The following CEP128 variants were observed in gnomAD, a reference collection of about 807,000 sequenced individuals.
CEP128 encodes the protein centrosomal protein 128kDa.
In CEP128, 132 loss-of-function variants were observed where a neutral mutation model predicts 156.7. The ratio of observed to expected loss-of-function variants is 0.84; its 90% CI spans 0.73 to 0.97. CEP128 has a LOEUF of 0.97. Among genes scored for constraint, CEP128 ranks in the 50% least tolerant of loss-of-function variants. The pLI, the probability that CEP128 is intolerant of heterozygous loss-of-function variation, is 0.00. For synonymous variants in CEP128, 469 were observed against 448.9 expected (o/e 1.04, Z -0.57); for missense variants, 1,252 against 1,281.9 (o/e 0.98, Z 0.36).
chr14:80,874,865 G>A (rs866844694), intron 8 of CEP128, among the ~76,000 whole-genome samples: 2 of 152,258 alleles, frequency 1.3e-5, no homozygotes, highest in African/African-American at 2.4e-5. Context: ...TGATCCGCCC[G>A]CCTCAGCCTC....
rs1046155220 is a variant in CEP128 at position 80,929,635 on chromosome 14, T to G, written c.-16+9750A>C. On this transcript the variant is annotated intron_variant, in intron 2 of 24. Transcript: ENST00000555265. The stretch of plus-strand genomic sequence containing the variant: ...CAGAAATCAAAAGCCAACTATTTCA[T>G]GTTCTCACTTACAAGTGGGAGCTAA... Among the ~76,000 whole-genome samples, 13 of 152,202 alleles carry G rather than the reference T, an allele frequency of 8.5e-5. 1 individual carries two copies. The highest frequency in any genetic ancestry group is 1.5e-5 in the Non-Finnish European group (1 of 68,032).
rs769390924 is a variant in CEP128, at chr14:80,830,054, G to A, written c.1209+1089C>T. The A allele has an allele frequency of 2.0e-4, 78 of 391,430 alleles. 1 individual carries two copies. The highest frequency in any genetic ancestry group is 3.3e-4 in the East Asian group (9 of 26,964). The allele number at this position is 391,430 out of a possible 1,614,324, so 24.2% of individuals were successfully genotyped here. A position where few individuals can be genotyped will look rare whatever the true frequency, so the allele number is the denominator to read the frequency against. ...TCCAACATACTTTCTTTTTAAATAC[G>A]TGACTTCAGCAAAATAATCATATTT... is the stretch of plus-strand genomic sequence containing the variant. On this transcript the variant is annotated intron_variant, in intron 13 of 24. Transcript: ENST00000555265.
At chr14:80,687,981 T>G (rs1896585186) in intron 19 of CEP128, among the ~76,000 whole-genome samples, 1 of 152,146 alleles carries the variant, frequency 6.6e-6, no homozygotes, top group African/African-American at 2.4e-5. Context: ...AGTCATTTAT[T>G]TACTTCTTCT....
At chr14:80,941,182 A>G (rs866873726) in intron 1 of CEP128, among the ~76,000 whole-genome samples, 1 of 150,522 alleles carries the variant, frequency 6.6e-6, no homozygotes, top group East Asian at 1.9e-4. Context: ...AACAGGTATT[A>G]AAAAAAAAAT....
At chr14:80,664,673 C>A (rs1895540072) in intron 19 of CEP128, among the ~76,000 whole-genome samples, 1 of 152,170 alleles carries the variant, frequency 6.6e-6, no homozygotes, top group South Asian at 2.1e-4. Context: ...TCAATCAAAG[C>A]TAGGTCTATC....
At chr14:80,599,265 C>CTTTTTTTTTTTTTTTT (rs375136337) in intron 19 of CEP128, among the ~76,000 whole-genome samples, 1 of 85,406 alleles carries the variant, frequency 1.2e-5, no homozygotes, top group African/African-American at 4.8e-5. Context: ...CAGTCATATT[C>CTTTTTTTTTTTTTTTT]TTTTTTTTTT....
intron 9 of CEP128, among the ~76,000 whole-genome samples, chr14:80,858,630 T>TG: frequency 7.0e-6 from 1 of 142,970 alleles, no homozygotes; most frequent in Non-Finnish European, 1.5e-5. Flanking sequence ...TGGGAGAAAA[T>TG]TTTCGCAACC....
intron 9 of CEP128, among the ~76,000 whole-genome samples, chr14:80,850,840 T>TAAA (rs1185558102): frequency 3.9e-5 from 6 of 152,214 alleles, no homozygotes; most frequent in Non-Finnish European, 5.9e-5. Flanking sequence ...CTGTCTTTAT[T>TAAA]AAGTTGTCAG....
intron 19 of CEP128, among the ~76,000 whole-genome samples, chr14:80,636,804 T>A (rs556972064): frequency 1.3e-5 from 2 of 152,248 alleles, no homozygotes; most frequent in African/African-American, 4.8e-5. Flanking sequence ...AATACAAATT[T>A]GGCCAGGCAC....
chr14:80,871,267 A>C (rs888512895), intron 8 of CEP128, among the ~76,000 whole-genome samples: 5 of 152,148 alleles, frequency 3.3e-5, no homozygotes, highest in African/African-American at 1.2e-4. Context: ...CTGCAGTGAG[A>C]AGCACAGATA....
chr14:80,661,753 C>G (rs575822488), intron 19 of CEP128, among the ~76,000 whole-genome samples: 1 of 152,090 alleles, frequency 6.6e-6, no homozygotes, highest in African/African-American at 2.4e-5. Flanking sequence ...AATATAAGTA[C>G]TTTTTCCTAG....
At chr14:80,666,743 C>A (rs1273347696) in intron 19 of CEP128, among the ~76,000 whole-genome samples, 43 of 144,986 alleles carry the variant, frequency 3.0e-4, no homozygotes, top group African/African-American at 8.6e-4. Context: ...AAAAAAAGAC[C>A]AAACGCATAA....
chr14:80,847,437 T>C (rs141846643), intron 9 of CEP128, among the ~76,000 whole-genome samples: 26 of 152,312 alleles, frequency 1.7e-4, no homozygotes, highest in African/African-American at 6.3e-4. Context: ...ATTTGTTATT[T>C]GTTACCACAA....
At chr14:80,762,529 A>T (rs1169072731) in intron 16 of CEP128, among the ~76,000 whole-genome samples, 1 of 152,226 alleles carries the variant, frequency 6.6e-6, no homozygotes, top group Non-Finnish European at 1.5e-5. Flanking sequence ...AGAATTAATC[A>T]TGAAAGCTAG....
chr14:80,628,706 G>C (rs1238178362), intron 19 of CEP128, among the ~76,000 whole-genome samples: 7 of 151,898 alleles, frequency 4.6e-5, no homozygotes, highest in Non-Finnish European at 1.0e-4. Context: ...TTGGCAACAG[G>C]GAATGGTTTA....
intron 13 of CEP128, among the ~76,000 whole-genome samples, chr14:80,796,581 ATCT>A (rs1196017326): frequency 1.3e-5 from 2 of 151,750 alleles, no homozygotes; most frequent in African/African-American, 4.8e-5. Flanking sequence ...CTAGTTCTCT[ATCT>A]TCTTATTCTT....
At chr14:80,955,509 T>C (rs112244256) in intron 2 of CEP128, 13 of 778,764 alleles carry the variant, frequency 1.7e-5, no homozygotes, top group African/African-American at 1.5e-4. Context: ...AAGTGCCTCT[T>C]TTTCCCCTTC....
chr14:80,631,395 T>A (rs1893953327), intron 19 of CEP128, among the ~76,000 whole-genome samples: 1 of 152,050 alleles, frequency 6.6e-6, no homozygotes, highest in African/African-American at 2.4e-5. Flanking sequence ...AGTAAAAAAA[T>A]GCTGTACACT....
intron 19 of CEP128, among the ~76,000 whole-genome samples, chr14:80,606,598 A>T (rs1892788202): frequency 6.6e-6 from 1 of 152,156 alleles, no homozygotes; most frequent in African/African-American, 2.4e-5. Context: ...CAGAGAAAGG[A>T]AAGGAAAATG....
Sources: allele counts gnomAD v4.1 joint callset (sites outside exome capture counted in the v4.1 genomes callset), GRCh38; gene constraint gnomAD v4.1.1; transcripts MANE v1.5; gene names NCBI Gene and HGNC (gene_info 2026-07-23, HGNC 2026-07-21).